RALB: variants seen among roughly 807,000 people sequenced by gnomAD.
RALB encodes ras-related protein Ral-B.
Under a neutral mutation model 21.3 loss-of-function variants are expected in RALB, and 16 were observed. The ratio of observed to expected loss-of-function variants is 0.75; its 90% CI spans 0.51 to 1.14. The LOEUF is 1.14. Among genes scored for constraint, RALB ranks in the 50% most tolerant of loss-of-function variants. The pLI is 0.00. For missense variants in RALB, 161 were observed against 256.2 expected (o/e 0.63, Z 2.54); for synonymous variants, 93 against 96.1 (o/e 0.97, Z 0.19).
chr2:120,259,618 T>G (rs976004879), intron 1 of RALB, among the ~76,000 whole-genome samples: 8 of 152,224 alleles, frequency 5.3e-5, no homozygotes, highest in African/African-American at 1.9e-4. Flanking sequence ...GATTGGTGTA[T>G]TTACAATCCA....
chr2:120,261,227 G>T (rs1479188187), intron 1 of RALB, among the ~76,000 whole-genome samples: 1 of 152,184 alleles, frequency 6.6e-6, no homozygotes, highest in African/African-American at 2.4e-5. Flanking sequence ...TCTACATGCT[G>T]TTGGGGATGA....
chr2:120,273,234 G>T (rs1374622196), intron 1 of RALB, among the ~76,000 whole-genome samples: 1 of 152,172 alleles, frequency 6.6e-6, no homozygotes, highest in Non-Finnish European at 1.5e-5. Context: ...TAGGGAATGG[G>T]TGCTGCTGGT....
Position 120,294,257 on chromosome 2 carries a change from C to A in RALB, c.*997C>A. Reference sequence around the variant, plus strand: ...TCATGAAGCCAGAGCCTGTGCCAGACCTTCTGCTACCTCTCATAGAATTGC... The same window carrying A: ...TCATGAAGCCAGAGCCTGTGCCAGAACTTCTGCTACCTCTCATAGAATTGC... On this transcript the variant is annotated 3_prime_UTR_variant, in exon 5 of 5. Transcript: ENST00000272519. The A allele has an allele frequency of 2.5e-6, 1 of 398,618 alleles. No homozygotes were observed. The highest frequency in any genetic ancestry group is 3.6e-5 in the East Asian group (1 of 28,080). The allele number at this position is 398,618 out of a possible 1,614,324, so 24.7% of individuals were successfully genotyped here.
At chr2:120,245,811 T>A (rs1688961493) in intron 1 of RALB, among the ~76,000 whole-genome samples, 1 of 152,208 alleles carries the variant, frequency 6.6e-6, no homozygotes, top group African/African-American at 2.4e-5. Flanking sequence ...CTGCCAGAGA[T>A]GCTGCCTTCC....
At chr2:120,277,986 T>C (rs1253440252) in intron 1 of RALB, among the ~76,000 whole-genome samples, 2 of 149,396 alleles carry the variant, frequency 1.3e-5, no homozygotes, top group Non-Finnish European at 3.0e-5. Flanking sequence ...TAAGAGCATG[T>C]GTGAATGTGT....
At chr2:120,267,449 G>A (rs145853678) in intron 1 of RALB, among the ~76,000 whole-genome samples, 176 of 152,268 alleles carry the variant, frequency 1.2e-3, no homozygotes, top group Admixed American at 6.9e-3. Flanking sequence ...CCATTCCCTG[G>A]TGCTAATTAG....
chr2:120,282,031 C>T (rs531349464), intron 2 of RALB, among the ~76,000 whole-genome samples: 11 of 152,234 alleles, frequency 7.2e-5, no homozygotes, highest in Admixed American at 1.3e-4. Flanking sequence ...AGGACAGCCC[C>T]GAACAAAGTA....
intron 3 of RALB, 89 bp downstream of exon 3, chr2:120,286,171 C>A: frequency 2.8e-6 from 3 of 1,086,098 alleles, no homozygotes; most frequent in Non-Finnish European, 4.2e-6. Flanking sequence ...TGGGGCTGAG[C>A]ATACTAGGAG....
intron 1 of RALB, among the ~76,000 whole-genome samples, chr2:120,242,739 A>G (rs1688914931): frequency 1.3e-5 from 2 of 152,074 alleles, no homozygotes; most frequent in South Asian, 4.1e-4. Context: ...CTGCATCTCA[A>G]AAAATAGTAA....
intron 3 of RALB, 81 bp from the exon 4 acceptor site, chr2:120,289,479 TCCTTCTGCCTTAGGAAAGCC>T: frequency 1.7e-5 from 21 of 1,234,710 alleles, no homozygotes; most frequent in Admixed American, 6.5e-5. Flanking sequence ...TTTTTTTTTT[TCCTTCTGCCTTAGGAAAGCC>T]TTTTATTTTA....
At chr2:120,247,421 A>C (rs1019236675) in intron 1 of RALB, among the ~76,000 whole-genome samples, 1 of 152,164 alleles carries the variant, frequency 6.6e-6, no homozygotes. Flanking sequence ...TGGGCCTCTG[A>C]CTTTCTAAGA....
intron 1 of RALB, among the ~76,000 whole-genome samples, chr2:120,262,428 C>T (rs2104596166): frequency 6.6e-6 from 1 of 152,250 alleles, no homozygotes; most frequent in Admixed American, 6.5e-5. Context: ...GAAGGGTTTG[C>T]TGGTGTGCCT....
At chr2:120,291,296 G>T (rs1455165412) in intron 4 of RALB, among the ~76,000 whole-genome samples, 1 of 152,174 alleles carries the variant, frequency 6.6e-6, no homozygotes, top group Non-Finnish European at 1.5e-5. Flanking sequence ...GGAAGCGCGT[G>T]TTCCGCCGTC....
At chr2:120,283,608 C>T (rs957846150) in intron 2 of RALB, among the ~76,000 whole-genome samples, 8 of 152,194 alleles carry the variant, frequency 5.3e-5, no homozygotes, top group Non-Finnish European at 7.3e-5. Flanking sequence ...TCCTTATGCT[C>T]GGCCTAACAT....
chr2:120,289,241 T>C (rs935560324), intron 3 of RALB, among the ~76,000 whole-genome samples: 24 of 93,620 alleles, frequency 2.6e-4, no homozygotes, highest in African/African-American at 6.2e-4. Context: ...TTTTCTTCTT[T>C]TTGTTTTTTT....
chr2:120,249,199 A>T (rs958472239), upstream of RALB, among the ~76,000 whole-genome samples: 1 of 151,608 alleles, frequency 6.6e-6, no homozygotes, highest in African/African-American at 2.4e-5. Context: ...CGCCTGGCTA[A>T]TTTTTTTGTA....
At chr2:120,266,280 T>C (rs976886900) in intron 1 of RALB, among the ~76,000 whole-genome samples, 3 of 152,200 alleles carry the variant, frequency 2.0e-5, no homozygotes, top group Non-Finnish European at 4.4e-5. Context: ...AGTCTTGCTC[T>C]GTCGCCTGGG....
At chr2:120,274,119 G>A (rs4241156) in intron 1 of RALB, among the ~76,000 whole-genome samples, 105,672 of 152,032 alleles carry the variant, frequency 0.7, 37,320 homozygotes, top group Middle Eastern at 0.8. Flanking sequence ...AACCAGGATT[G>A]ATTCAGAGAA....
At chr2:120,282,478 CA>C (rs57554505) in intron 2 of RALB, among the ~76,000 whole-genome samples, 33,564 of 133,620 alleles carry the variant, frequency 0.25, 6,092 homozygotes, top group African/African-American at 0.54. Flanking sequence ...AACTCCATCT[CA>C]AAAAAAAAAA....
Sources: allele counts gnomAD v4.1 joint callset (sites outside exome capture counted in the v4.1 genomes callset), GRCh38; gene constraint gnomAD v4.1.1; transcripts MANE v1.5; gene names NCBI Gene and HGNC (gene_info 2026-07-23, HGNC 2026-07-21).